Variants in MACO1 observed in about 807,000 individuals in gnomAD.
MACO1 encodes macoilin.
MACO1 carries 14 observed loss-of-function variants against 78.7 expected under a neutral mutation model. The ratio of observed to expected loss-of-function variants is 0.18; its 90% CI spans 0.12 to 0.28. MACO1 has a LOEUF of 0.28. Ranked by LOEUF, MACO1 falls within the 10% of genes least tolerant of loss-of-function variation. The pLI is 1.00. For synonymous variants in MACO1, 288 were observed against 291.6 expected (o/e 0.99, Z 0.12); for missense variants, 501 against 799.0 (o/e 0.63, Z 4.50).
In MACO1 at chr1:25,431,698, C is replaced by T. The variant is rs532958622; in HGVS notation, c.80+520C>T. On this transcript the variant is annotated intron_variant, in intron 1 of 10. Transcript: ENST00000374343. ...TTCCCCCAAGCTGCCAGCATACTGG[C>T]CTGGGGCCATGCTGTCACTTCTTTC... 2.6e-5 allele frequency among the ~76,000 whole-genome samples: 4 copies of T among 152,286 alleles called. No individual in the cohort carries two copies. In the East Asian group the frequency reaches 7.7e-4, roughly 29 times the overall value.
chr1:25,485,659 A>G lies in MACO1; in HGVS notation c.1360A>G (p.Ser454Gly). The stretch of plus-strand genomic sequence containing the variant: ...GAAGCAAAAAGACAAGCAGAATATC[A>G]GCCAGTTGGAGAAAAAGCTAAAAGC... ...QMKQKDKQNI[S>G]QLEKKLKAEQ... Residue 454 changes from serine to glycine, a missense_variant, in exon 8 of 11, where the codon AGC (serine) becomes GGC (glycine). Coordinates refer to ENST00000374343, the MANE Select transcript of MACO1 (RefSeq NM_018202.6). This position sits in a 1 kb window ranked among gnomAD's most constrained non-coding sequence, Gnocchi z 4.3. The G allele has an allele frequency of 1.2e-6, 2 of 1,614,230 alleles. No homozygotes were observed. Among genetic ancestry groups the G allele is most frequent in the Non-Finnish European group, 1.7e-6 (2 of 1,180,042 alleles).
chr1:25,465,784 G>T (rs2043214303), intron 6 of MACO1, among the ~76,000 whole-genome samples: 1 of 152,068 alleles, frequency 6.6e-6, no homozygotes, highest in South Asian at 2.1e-4. Context: ...GTCTTTCCGA[G>T]TCTGCATTGT....
chr1:25,433,914 T>G (rs2042897739), intron 1 of MACO1, among the ~76,000 whole-genome samples: 1 of 152,224 alleles, frequency 6.6e-6, no homozygotes, highest in Non-Finnish European at 1.5e-5. Context: ...ACTGTAAGAT[T>G]TGGTGCAACT....
intron 10 of MACO1, 126 bp downstream of exon 10, chr1:25,491,710 G>A (rs2043487756): frequency 5.7e-6 from 4 of 700,836 alleles, no homozygotes; most frequent in African/African-American, 1.8e-5. Flanking sequence ...GTCTTGGTAA[G>A]TGCCCAACAT....
chr1:25,463,418 G>T (rs1158055143), intron 6 of MACO1, among the ~76,000 whole-genome samples: 2 of 152,178 alleles, frequency 1.3e-5, no homozygotes, highest in Non-Finnish European at 2.9e-5. Context: ...GCAGTCTGGA[G>T]TACTCTGTTG....
At chr1:25,443,385 T>A (rs1178394537) in intron 1 of MACO1, among the ~76,000 whole-genome samples, 1 of 152,150 alleles carries the variant, frequency 6.6e-6, no homozygotes, top group African/African-American at 2.4e-5. Flanking sequence ...GTCTCTTGAT[T>A]TTGGAGGCAG....
chr1:25,482,198 C>T (rs1234690602), intron 6 of MACO1, among the ~76,000 whole-genome samples: 1 of 152,184 alleles, frequency 6.6e-6, no homozygotes, highest in Non-Finnish European at 1.5e-5. Flanking sequence ...ACTTTACCTA[C>T]TTGTGAGTTT....
intron 8 of MACO1, among the ~76,000 whole-genome samples, chr1:25,486,154 A>G (rs777858620): frequency 6.6e-6 from 1 of 152,226 alleles, no homozygotes; most frequent in Admixed American, 6.5e-5. Context: ...TTAGAGAGCT[A>G]TCATTACTCT....
Position 25,431,031 on chromosome 1 carries a change from C to T in MACO1, c.-68C>T. On this transcript the variant is annotated 5_prime_UTR_variant, in exon 1 of 11. Transcript: ENST00000374343. The stretch of plus-strand genomic sequence containing the variant: ...AGTCCAGGCCCGACGCGGGGCGGGC[C>T]AGCGGCGGCGGCAGCTGAGGTGAGA... 1 of 1,390,684 alleles carries T rather than the reference C, an allele frequency of 7.2e-7. No individual in the cohort carries two copies. Among genetic ancestry groups the T allele is most frequent in the Admixed American group, 2.3e-5 (1 of 43,554 alleles). 86.1% of individuals were successfully genotyped at this position (1,390,684 alleles called of 1,614,324 possible).
chr1:25,437,188 C>G (rs990368276), intron 1 of MACO1, among the ~76,000 whole-genome samples: 1 of 150,642 alleles, frequency 6.6e-6, no homozygotes, highest in East Asian at 1.9e-4. Context: ...AGGCTGGAGT[C>G]CAGCAGCGAG....
chr1:25,432,668 G>A (rs1356180399), intron 1 of MACO1, among the ~76,000 whole-genome samples: 1 of 152,154 alleles, frequency 6.6e-6, no homozygotes, highest in Non-Finnish European at 1.5e-5. Context: ...TTCCCCTTTG[G>A]CTATTGAAAA....
intron 6 of MACO1, among the ~76,000 whole-genome samples, chr1:25,465,806 C>T (rs937467173): frequency 6.6e-6 from 1 of 152,200 alleles, no homozygotes; most frequent in African/African-American, 2.4e-5. Flanking sequence ...TATCATTCAA[C>T]TCTGTGTCCA....
Position 25,484,133 on chromosome 1 carries a change from A to G in MACO1, c.1172A>G (p.Lys391Arg). ...DALVRLEQDI[K>R]KLKADLQASR... ...TCTCCTAGGCTGGAACAAGACATTA[A>G]AAAGTTAAAGGCTGACCTGCAAGCC... The change falls in exon 7 of 11, where the codon AAA (lysine) becomes AGA (arginine). Residue 391 changes from lysine to arginine, a missense_variant. Around this residue, in one of 5 missense-constraint regions of MACO1, gnomAD observed 163 missense variants for 271.9 expected, o/e 0.60. Transcript: ENST00000374343. The G allele has an allele frequency of 6.2e-7, 1 of 1,611,702 alleles. No individual in the cohort carries two copies. Among genetic ancestry groups the G allele is most frequent in the Non-Finnish European group, 8.5e-7 (1 of 1,179,352 alleles).
intron 1 of MACO1, among the ~76,000 whole-genome samples, chr1:25,440,420 A>G (rs1481878896): frequency 6.6e-6 from 1 of 151,232 alleles, no homozygotes; most frequent in Admixed American, 6.6e-5. Flanking sequence ...AAAAAAAAAA[A>G]AGAAGAAAGA....
chr1:25,447,250 G>A (rs868119414), intron 2 of MACO1, among the ~76,000 whole-genome samples: 4 of 152,008 alleles, frequency 2.6e-5, no homozygotes, highest in African/African-American at 9.7e-5. Flanking sequence ...GCTTTGAAGT[G>A]TTTCTGGGTT....
At position 25,485,889 on chromosome 1, in the gene MACO1, ACAG is replaced by A; in HGVS notation, c.1496+97_1496+99del. 7.4e-7 allele frequency: 1 copy of A among 1,354,882 alleles called. No individual in the cohort carries two copies. The highest frequency in any genetic ancestry group is 1.0e-6 in the Non-Finnish European group (1 of 981,612). 83.9% of individuals were successfully genotyped at this position (1,354,882 alleles called of 1,614,324 possible). A position where few individuals can be genotyped will look rare whatever the true frequency, so the allele number is the denominator to read the frequency against. ...TGGTGCCTTGGGCAGGATTGGACGTACAGCAATCATGCACGGATGGATTGCTTT... is the reference window on the plus strand; with the variant it reads ...TGGTGCCTTGGGCAGGATTGGACGTACAATCATGCACGGATGGATTGCTTT... On this transcript the variant is annotated intron_variant, in intron 8 of 10. Coordinates refer to ENST00000374343, the MANE Select transcript of MACO1 (RefSeq NM_018202.6). The surrounding 1 kb of genome is among the most constrained non-coding windows in gnomAD (Gnocchi z 4.3).
At chr1:25,467,809 A>G (rs1253560121) in intron 6 of MACO1, among the ~76,000 whole-genome samples, 1 of 146,252 alleles carries the variant, frequency 6.8e-6, no homozygotes, top group African/African-American at 2.6e-5. Flanking sequence ...GTTGTTTTTC[A>G]TTTTTATCAA....
intron 8 of MACO1, among the ~76,000 whole-genome samples, chr1:25,488,701 TCTTGAACTCCTGACCTCAA>T (rs1412273130): frequency 3.3e-5 from 5 of 152,262 alleles, no homozygotes; most frequent in African/African-American, 9.6e-5. Context: ...GCCAGGCTGG[TCTTGAACTCCTGACCTCAA>T]GTGATCCACC....
rs140962349 is a variant in MACO1, at chr1:25,496,925, A to G, written c.1793-1339A>G. On this transcript the variant is annotated intron_variant, in intron 10 of 10. Coordinates refer to ENST00000374343, the MANE Select transcript of MACO1 (RefSeq NM_018202.6). The stretch of plus-strand genomic sequence containing the variant: ...AACTTCTCTATGCCTCAGTTTCCTC[A>G]TCTATAAAATGGATAATAATAATTC... Among the ~76,000 whole-genome samples the G allele has an allele frequency of 5.4e-3, 826 of 152,336 alleles. 6 individuals are homozygous for G. The highest frequency in any genetic ancestry group is 0.018 in the African/African-American group (730 of 41,578).
Sources: allele counts gnomAD v4.1 joint callset (sites outside exome capture counted in the v4.1 genomes callset), GRCh38; gene constraint gnomAD v4.1.1; regional missense constraint gnomAD v4.1.1; non-coding constraint Gnocchi (gnomAD v3.1); transcripts MANE v1.5; gene names NCBI Gene and HGNC (gene_info 2026-07-23, HGNC 2026-07-21).